Variants in GPC3 observed in about 807,000 individuals in gnomAD.
GPC3 encodes the protein glypican 3, also known as glypican-3.
Under a neutral mutation model 34.4 loss-of-function variants are expected in GPC3, and 3 were observed. The ratio of observed to expected loss-of-function variants is 0.09; its 90% CI spans 0.04 to 0.23. GPC3 has a LOEUF of 0.23. GPC3 is among the 10% of genes least tolerant of loss of function. The pLI, the probability that GPC3 is intolerant of heterozygous loss-of-function variation, is 1.00. For synonymous variants in GPC3, 177 were observed against 174.0 expected, an observed-to-expected ratio of 1.02 and a Z score of -0.13; for missense variants, 351 against 445.6, an observed-to-expected ratio of 0.79 and a Z score of 1.91.
At chrX:133,833,000 C>T (rs897587171) in intron 2 of GPC3, among the ~76,000 whole-genome samples, 13 of 111,986 alleles carry the variant, frequency 1.2e-4, no homozygotes, top group African/African-American at 3.6e-4. Flanking sequence ...TTACAGAAGA[C>T]CATGTTTAAT....
chrX:133,588,409 A>T (rs2069813336), intron 7 of GPC3, among the ~76,000 whole-genome samples: 1 of 110,766 alleles, frequency 9.0e-6, no homozygotes, highest in Admixed American at 9.7e-5. Context: ...AAACAAAAAA[A>T]CCCAGGACAT....
At chrX:133,615,188 A>G (rs766803735) in intron 6 of GPC3, among the ~76,000 whole-genome samples, 114 of 111,915 alleles carry the variant, frequency 1.0e-3, no homozygotes, top group Non-Finnish European at 1.5e-3. Context: ...TTTCCAACTC[A>G]TTCTATGAAG....
intron 2 of GPC3, among the ~76,000 whole-genome samples, chrX:133,804,137 A>G (rs980372193): frequency 4.5e-5 from 5 of 111,149 alleles, no homozygotes; most frequent in Admixed American, 1.9e-4. Context: ...ATATCTCTCA[A>G]ACTTGCTTTG....
At chrX:133,883,037 A>G (rs898782127) in intron 2 of GPC3, among the ~76,000 whole-genome samples, 7 of 110,067 alleles carry the variant, frequency 6.4e-5, no homozygotes, top group African/African-American at 2.3e-4. Context: ...CTTTGCCCCA[A>G]ATGCCTTCAC....
chrX:133,709,345 A>G (rs773305562), intron 3 of GPC3, among the ~76,000 whole-genome samples: 1 of 111,453 alleles, frequency 9.0e-6, no homozygotes, highest in Admixed American at 9.6e-5. Context: ...GATGAGTATT[A>G]CCTGTGGCAT....
intron 7 of GPC3, among the ~76,000 whole-genome samples, chrX:133,563,638 C>T (rs2069557610): frequency 8.9e-6 from 1 of 111,981 alleles, no homozygotes; most frequent in African/African-American, 3.2e-5. Context: ...ACTTGTTGCT[C>T]CTCATAGCTT....
chrX:133,790,049 A>T (rs1603247870), intron 2 of GPC3, among the ~76,000 whole-genome samples: 1 of 112,110 alleles, frequency 8.9e-6, no homozygotes, highest in South Asian at 3.8e-4. Flanking sequence ...AGGCTAGGGT[A>T]ATCAGTGCAC....
At chrX:133,933,915 A>C (rs1603275067) in intron 2 of GPC3, among the ~76,000 whole-genome samples, 1 of 93,296 alleles carries the variant, frequency 1.1e-5, no homozygotes, top group African/African-American at 4.2e-5. Flanking sequence ...CCCCGGCTGG[A>C]GTGCAGTGAC....
chrX:133,625,206 AT>A (rs1398811843), intron 6 of GPC3, among the ~76,000 whole-genome samples: 3 of 111,915 alleles, frequency 2.7e-5, no homozygotes, highest in Non-Finnish European at 5.6e-5. Flanking sequence ...CACAGCCAAT[AT>A]CATACTGAAT....
At chrX:133,567,095 G>A (rs899951824) in intron 7 of GPC3, among the ~76,000 whole-genome samples, 3 of 111,942 alleles carry the variant, frequency 2.7e-5, no homozygotes, top group Admixed American at 1.9e-4. Flanking sequence ...CTGATGCCAG[G>A]AGGAAGCTCT....
At chrX:133,948,260 A>G (rs1294062914) in intron 2 of GPC3, among the ~76,000 whole-genome samples, 1 of 111,356 alleles carries the variant, frequency 9.0e-6, no homozygotes, top group Non-Finnish European at 1.9e-5. Context: ...AGCAGAAATG[A>G]CTGGAGAAAT....
chrX:133,625,490 G>A (rs2070289585), intron 6 of GPC3, among the ~76,000 whole-genome samples: 1 of 111,811 alleles, frequency 8.9e-6, no homozygotes, highest in Non-Finnish European at 1.9e-5. Flanking sequence ...AACTCAATGT[G>A]CAAAAATCAC....
Position 133,671,289 on chromosome X carries a change from C to T in GPC3, c.1293-9439G>A. 5.5e-6 allele frequency: 5 copies of T among 907,061 alleles called. No homozygotes were observed. The Admixed American group carries it at 1.1e-4, about 20-fold the overall frequency. The allele number at this position is 907,061 out of a possible 1,213,427, so 74.8% of individuals were successfully genotyped here. On this transcript the variant is annotated intron_variant, in intron 5 of 7. Coordinates refer to ENST00000370818, the MANE Select transcript of GPC3 (RefSeq NM_004484.4). ...CATGGCCTGTATGAGAAGAAAAAGA[C>T]CTCAAGAAAGCAACGAAAGGAATGC...
intron 2 of GPC3, among the ~76,000 whole-genome samples, chrX:133,796,059 C>G (rs779658996): frequency 9.3e-6 from 1 of 107,192 alleles, no homozygotes; most frequent in East Asian, 2.9e-4. Context: ...CATTCTCCTG[C>G]CTCAGCCTGC....
At chrX:133,819,850 G>A (rs954507053) in intron 2 of GPC3, among the ~76,000 whole-genome samples, 5 of 112,054 alleles carry the variant, frequency 4.5e-5, no homozygotes, top group African/African-American at 1.6e-4. Context: ...CTGAGGTTCA[G>A]TGAGTTTAAG....
intron 2 of GPC3, among the ~76,000 whole-genome samples, chrX:133,808,305 T>C (rs925077345): frequency 3.6e-5 from 4 of 112,222 alleles, no homozygotes; most frequent in African/African-American, 1.3e-4. Context: ...TTTAACACAC[T>C]CTGACTTTCC....
At chrX:133,853,644 G>A (rs1021625926) in intron 2 of GPC3, among the ~76,000 whole-genome samples, 1 of 112,461 alleles carries the variant, frequency 8.9e-6, no homozygotes, top group Non-Finnish European at 1.9e-5. Context: ...AAGTTATAGA[G>A]ATCAGGACTC....
chrX:133,690,683 G>A (rs184462689), intron 5 of GPC3, among the ~76,000 whole-genome samples: 1 of 111,511 alleles, frequency 9.0e-6, no homozygotes, highest in East Asian at 2.8e-4. Flanking sequence ...CATAAATGTT[G>A]AAGGTATGAA....
At chrX:133,795,242 C>T (rs982960065) in intron 2 of GPC3, among the ~76,000 whole-genome samples, 2 of 112,607 alleles carry the variant, frequency 1.8e-5, no homozygotes, top group Middle Eastern at 4.6e-3. Context: ...TTTAAAAAGC[C>T]ATTCTATTTT....
Sources: gnomAD v4.1 joint callset for allele counts (sites outside exome capture counted in the v4.1 genomes callset) on GRCh38, gnomAD v4.1.1 for gene constraint, MANE v1.5 for transcripts, NCBI Gene and HGNC (gene_info 2026-07-23, HGNC 2026-07-21) for gene names.